Variants in SMG6 observed in about 807,000 individuals in gnomAD.
The protein encoded by SMG6 is SMG6 nonsense mediated mRNA decay factor.
A neutral mutation model predicts 142.2 loss-of-function variants in SMG6; 66 were observed. The observed-to-expected ratio is 0.46, with a 90% CI of 0.38 to 0.57. The LOEUF (loss-of-function observed/expected upper bound fraction) is 0.57, where lower values mean the gene tolerates loss of function less well. Among genes scored for constraint, SMG6 ranks in the 20% least tolerant of loss-of-function variants. The pLI, the probability that SMG6 is intolerant of heterozygous loss-of-function variation, is 0.00. For synonymous variants in SMG6, 779 were observed against 702.4 expected (o/e 1.11, Z -1.72); for missense variants, 1,793 against 1,832.0 (o/e 0.98, Z 0.39).
At chr17:2,148,172 CAG>C (rs1455361756) in intron 13 of SMG6, among the ~76,000 whole-genome samples, 1 of 152,126 alleles carries the variant, frequency 6.6e-6, no homozygotes, top group African/African-American at 2.4e-5. Flanking sequence ...GCCTGGGCGA[CAG>C]AGTGAGACCC....
intron 10 of SMG6, among the ~76,000 whole-genome samples, chr17:2,212,957 A>G (rs2072908691): frequency 2.0e-5 from 3 of 152,228 alleles, no homozygotes; most frequent in Non-Finnish European, 4.4e-5. Flanking sequence ...CAAAGAATTA[A>G]CAGTTTGTAG....
chr17:2,189,545 A>T, intron 10 of SMG6, among the ~76,000 whole-genome samples: 1 of 151,940 alleles, frequency 6.6e-6, no homozygotes, highest in Non-Finnish European at 1.5e-5. Flanking sequence ...ATACAGGAGA[A>T]CTCTCAGAAT....
chr17:2,145,827 A>T (rs1414437790), intron 13 of SMG6, among the ~76,000 whole-genome samples: 1 of 152,000 alleles, frequency 6.6e-6, no homozygotes, highest in Non-Finnish European at 1.5e-5. Context: ...TGGTAACTGG[A>T]ATAGTTTCTG....
At chr17:2,257,126 C>T (rs1015258171) in intron 8 of SMG6, among the ~76,000 whole-genome samples, 10 of 150,336 alleles carry the variant, frequency 6.7e-5, no homozygotes, top group African/African-American at 2.5e-4. Flanking sequence ...CGCTCTGTTG[C>T]CCAGGCTGTA....
chr17:2,093,168 T>C (rs1174673027), intron 13 of SMG6, among the ~76,000 whole-genome samples: 1 of 146,546 alleles, frequency 6.8e-6, no homozygotes. Flanking sequence ...CAATCCAGCC[T>C]GGGTGACAGA....
chr17:2,072,347 G>A (rs557809839), intron 15 of SMG6, among the ~76,000 whole-genome samples: 1 of 152,198 alleles, frequency 6.6e-6, no homozygotes, highest in Admixed American at 6.5e-5. Context: ...AGCAACACAC[G>A]GACACTCTGA....
chr17:2,236,714 C>G (rs1297641339), intron 9 of SMG6, 77 bp from the exon 10 acceptor site: 1 of 677,812 alleles, frequency 1.5e-6, no homozygotes, highest in Admixed American at 7.4e-5. Flanking sequence ...CACACACACA[C>G]ACACACACAC....
chr17:2,248,038 G>A (rs752844425), intron 8 of SMG6, among the ~76,000 whole-genome samples: 8 of 151,814 alleles, frequency 5.3e-5, no homozygotes, highest in Non-Finnish European at 1.2e-4. Flanking sequence ...CCTGGGAGGC[G>A]GAGGCTGCAG....
At chr17:2,083,267 C>A (rs996540558) in intron 14 of SMG6, among the ~76,000 whole-genome samples, 2 of 152,198 alleles carry the variant, frequency 1.3e-5, no homozygotes, top group Non-Finnish European at 1.5e-5. Flanking sequence ...AGGTCATATA[C>A]AGATGGAATC....
chr17:2,265,363 A>T (rs1427813550), intron 8 of SMG6, among the ~76,000 whole-genome samples: 1 of 139,210 alleles, frequency 7.2e-6, no homozygotes, highest in African/African-American at 2.5e-5. Flanking sequence ...TACAAAAATT[A>T]GCAGCGGGTG....
At chr17:2,146,449 T>C (rs2151587399) in intron 13 of SMG6, among the ~76,000 whole-genome samples, 1 of 152,312 alleles carries the variant, frequency 6.6e-6, no homozygotes, top group South Asian at 2.1e-4. Flanking sequence ...CAAAGAAACA[T>C]ACAGCCTTTG....
At chr17:2,139,814 C>G (rs2070420085) in intron 13 of SMG6, among the ~76,000 whole-genome samples, 1 of 152,064 alleles carries the variant, frequency 6.6e-6, no homozygotes, top group South Asian at 2.1e-4. Flanking sequence ...TCACCTCTAC[C>G]TCCTGAGTTT....
At chr17:2,109,583 T>C (rs1054817413) in intron 13 of SMG6, among the ~76,000 whole-genome samples, 2 of 152,204 alleles carry the variant, frequency 1.3e-5, no homozygotes, top group Non-Finnish European at 2.9e-5. Flanking sequence ...CTTTATTAAA[T>C]ATTTTCAAGG....
At chr17:2,292,172 A>G (rs758958251) in intron 6 of SMG6, among the ~76,000 whole-genome samples, 21 of 152,246 alleles carry the variant, frequency 1.4e-4, no homozygotes, top group Non-Finnish European at 2.4e-4. Context: ...GAGGTAGGTG[A>G]AAACTTTAAG....
chr17:2,261,560 T>C (rs1351652465), intron 8 of SMG6, among the ~76,000 whole-genome samples: 1 of 152,196 alleles, frequency 6.6e-6, no homozygotes, highest in African/African-American at 2.4e-5. Flanking sequence ...GCCCCATATG[T>C]CCTAATCCCC....
At chr17:2,090,836 T>C (rs17834271) in intron 13 of SMG6, among the ~76,000 whole-genome samples, 9,873 of 152,300 alleles carry the variant, frequency 0.065, 421 homozygotes, top group Middle Eastern at 0.12. Flanking sequence ...AATCAAACTT[T>C]ATAGCTTGTT....
intron 13 of SMG6, among the ~76,000 whole-genome samples, chr17:2,092,105 C>T (rs1038711044): frequency 2.0e-5 from 3 of 152,122 alleles, no homozygotes; most frequent in Admixed American, 6.6e-5. Context: ...CCTGCCTCAG[C>T]CTCCTGAGTA....
chr17:2,228,946 A>G (rs544064674), intron 10 of SMG6, among the ~76,000 whole-genome samples: 2 of 152,182 alleles, frequency 1.3e-5, no homozygotes, highest in Admixed American at 6.5e-5. Flanking sequence ...TGACATATCT[A>G]CCTTCCCCCC....
At chr17:2,155,075 T>C (rs2070959877) in intron 13 of SMG6, among the ~76,000 whole-genome samples, 2 of 146,324 alleles carry the variant, frequency 1.4e-5, no homozygotes, top group Admixed American at 1.4e-4. Context: ...TTTTTTGAGA[T>C]GGAGTCTCAC....
Sources: allele counts gnomAD v4.1 joint callset (sites outside exome capture counted in the v4.1 genomes callset), GRCh38; gene constraint gnomAD v4.1.1; transcripts MANE v1.5; gene names NCBI Gene and HGNC (gene_info 2026-07-23, HGNC 2026-07-21).